The following ANO3 variants were observed in gnomAD, a reference collection of about 807,000 sequenced individuals.
The protein encoded by ANO3 is anoctamin-3.
ANO3 carries 99 observed loss-of-function variants against 144.8 expected under a neutral mutation model. The ratio of observed to expected loss-of-function variants is 0.68; its 90% confidence interval spans 0.58 to 0.81. The LOEUF is 0.81. ANO3 is among the 30% of genes least tolerant of loss of function. ANO3 has a pLI of 0.00. For synonymous variants in ANO3, 414 were observed against 392.6 expected (o/e 1.05, Z -0.64); for missense variants, 905 against 1,202.2 (o/e 0.75, Z 3.66).
intron 9 of ANO3, among the ~76,000 whole-genome samples, chr11:26,536,106 G>T (rs1028915347): frequency 1.7e-5 from 2 of 118,254 alleles, no homozygotes; most frequent in Non-Finnish European, 3.6e-5. Flanking sequence ...GATCACCTGA[G>T]ATCAGGGGTT....
chr11:26,506,381 G>A (rs964437537), intron 4 of ANO3, among the ~76,000 whole-genome samples: 1 of 152,172 alleles, frequency 6.6e-6, no homozygotes, highest in South Asian at 2.1e-4. Context: ...TGGCTTCTAT[G>A]TACTCTTGTC....
intron 14 of ANO3, among the ~76,000 whole-genome samples, chr11:26,588,195 T>G (rs1851343805): frequency 1.3e-5 from 2 of 152,202 alleles, no homozygotes; most frequent in East Asian, 3.8e-4. Context: ...TTCTTGAGCC[T>G]CTTGCCTGTC....
chr11:26,272,699 TA>T (rs1215432494), intron 1 of ANO3, among the ~76,000 whole-genome samples: 1 of 152,146 alleles, frequency 6.6e-6, no homozygotes. Flanking sequence ...CAGATGCCAT[TA>T]AGAAAATAAT....
chr11:26,645,749 T>C (rs1206478545), intron 23 of ANO3, among the ~76,000 whole-genome samples: 1 of 152,094 alleles, frequency 6.6e-6, no homozygotes, highest in East Asian at 1.9e-4. Flanking sequence ...AGCTAATGCA[T>C]GCTGGGTTTA....
intron 1 of ANO3, among the ~76,000 whole-genome samples, chr11:26,310,411 A>T (rs1854478901): frequency 6.6e-6 from 1 of 152,226 alleles, no homozygotes; most frequent in Non-Finnish European, 1.5e-5. Flanking sequence ...TATTCACATG[A>T]GAAAACATAA....
At chr11:26,250,080 A>T (rs890866777) in intron 1 of ANO3, among the ~76,000 whole-genome samples, 1 of 152,216 alleles carries the variant, frequency 6.6e-6, no homozygotes, top group East Asian at 1.9e-4. Flanking sequence ...ATAGCCCTAC[A>T]TAACTACAAC....
At chr11:26,647,919 A>G in intron 24 of ANO3, 63 bp downstream of exon 24, 1 of 1,497,632 alleles carries the variant, frequency 6.7e-7, no homozygotes, top group Non-Finnish European at 9.1e-7. Context: ...ATAGGATCTT[A>G]CTGGGAAGTT....
At position 26,600,763 on chromosome 11, in the gene ANO3, G is replaced by C. The variant is rs193186711; in HGVS notation, c.1836+1049G>C. On this transcript the variant is annotated intron_variant, in intron 17 of 26. Coordinates refer to ENST00000256737, the MANE Select transcript of ANO3 (RefSeq NM_031418.4). ...ATACCATTTTGTCATAGTCTGGCAT[G>C]CTGTGGCATTGCTACGCCTTTATTC... Among the ~76,000 whole-genome samples the C allele has an allele frequency of 1.1e-4, 16 of 151,642 alleles. No individual in the cohort carries two copies. In the East Asian group the frequency reaches 2.0e-3, roughly 19 times the overall value.
chr11:26,296,439 T>C (rs1045541263), intron 1 of ANO3, among the ~76,000 whole-genome samples: 2 of 152,238 alleles, frequency 1.3e-5, no homozygotes, highest in East Asian at 1.9e-4. Context: ...ACTCAGATCA[T>C]GTCTCTCTTT....
intron 1 of ANO3, among the ~76,000 whole-genome samples, chr11:26,246,629 T>A (rs552782079): frequency 6.7e-6 from 1 of 149,882 alleles, no homozygotes; most frequent in African/African-American, 2.5e-5. Flanking sequence ...TGTTACTATA[T>A]TATAATAATT....
At chr11:26,631,142 C>A (rs1303036496) in intron 18 of ANO3, among the ~76,000 whole-genome samples, 1 of 151,922 alleles carries the variant, frequency 6.6e-6, no homozygotes, top group Non-Finnish European at 1.5e-5. Flanking sequence ...TAATGTTAAT[C>A]TCTTCAGTAC....
intron 1 of ANO3, among the ~76,000 whole-genome samples, chr11:26,295,248 C>T (rs923767606): frequency 2.0e-5 from 3 of 151,902 alleles, no homozygotes; most frequent in Non-Finnish European, 4.4e-5. Context: ...ATTTTATAAC[C>T]CTCTTATGAT....
At chr11:26,218,579 T>C (rs1164158240) in intron 1 of ANO3, among the ~76,000 whole-genome samples, 1 of 152,166 alleles carries the variant, frequency 6.6e-6, no homozygotes, top group African/African-American at 2.4e-5. Flanking sequence ...TTTATCTTAC[T>C]GCAAATTAGC....
chr11:26,565,204 T>A (rs1252627982), intron 14 of ANO3: 1 of 1,509,590 alleles, frequency 6.6e-7, no homozygotes, highest in Non-Finnish European at 8.9e-7. Flanking sequence ...AGTTTTGAAT[T>A]ATTGGTGAAT....
intron 1 of ANO3, among the ~76,000 whole-genome samples, chr11:26,195,232 G>T (rs1311471976): frequency 6.6e-6 from 1 of 152,158 alleles, no homozygotes; most frequent in African/African-American, 2.4e-5. Context: ...TCAGTAATTT[G>T]TCTTGAATTC....
At chr11:26,448,314 A>AG (rs1858785206) in intron 3 of ANO3, among the ~76,000 whole-genome samples, 1 of 150,488 alleles carries the variant, frequency 6.6e-6, no homozygotes, top group African/African-American at 2.4e-5. Flanking sequence ...AAAAAAAAAA[A>AG]AGAAAGAAAT....
chr11:26,385,893 G>GTGTATATATATATATATA lies in ANO3; in HGVS notation c.46+53573_46+53574insGTATATATATATATATAT, dbSNP rs1183332896. 2.3e-3 allele frequency among the ~76,000 whole-genome samples: 329 copies of GTGTATATATATATATATA among 143,752 alleles called. 3 individuals carry two copies. The highest frequency in any genetic ancestry group is 8.3e-3 in the African/African-American group (306 of 36,878). The allele number at this position is 143,752 out of a possible 152,430, so 94.3% of individuals were successfully genotyped here. A position where few individuals can be genotyped will look rare whatever the true frequency, so the allele number is the denominator to read the frequency against. ...GATTTGTGTGAAGTTCTTTGTGTGT[G>GTGTATATATATATATATA]TATATATATTTATATACATATTTAC... On this transcript the variant is annotated intron_variant, in intron 1 of 26. Coordinates refer to ENST00000256737, the MANE Select transcript of ANO3 (RefSeq NM_031418.4).
At chr11:26,398,043 A>G (rs188697718) in intron 1 of ANO3, among the ~76,000 whole-genome samples, 1 of 152,104 alleles carries the variant, frequency 6.6e-6, no homozygotes, top group Non-Finnish European at 1.5e-5. Context: ...TAAAAGTGCT[A>G]TATAGCAGGA....
chr11:26,225,664 G>C (rs1480696527), intron 1 of ANO3, among the ~76,000 whole-genome samples: 1 of 151,972 alleles, frequency 6.6e-6, no homozygotes, highest in African/African-American at 2.4e-5. Context: ...ATAATTTTTA[G>C]GATTAATGTC....
Sources: gnomAD v4.1 joint callset for allele counts (sites outside exome capture counted in the v4.1 genomes callset) on GRCh38, gnomAD v4.1.1 for gene constraint, MANE v1.5 for transcripts, NCBI Gene and HGNC (gene_info 2026-07-23, HGNC 2026-07-21) for gene names.